FYB1: variants seen among roughly 807,000 people sequenced by gnomAD.
FYB1 encodes the protein FYN binding protein 1, also known as FYN-binding protein 1.
In FYB1, 41 loss-of-function variants were observed where a neutral mutation model predicts 94.1. The observed-to-expected ratio is 0.44, with a 90% CI of 0.34 to 0.57. The LOEUF (loss-of-function observed/expected upper bound fraction) is 0.57, where lower values mean the gene tolerates loss of function less well. Among genes scored for constraint, FYB1 ranks in the 20% least tolerant of loss-of-function variants. The probability of loss-of-function intolerance (pLI) is 0.02; values close to 1 mark genes in which losing one functional copy is unlikely to be tolerated. For synonymous variants in FYB1, 367 were observed against 353.2 expected (o/e 1.04, Z -0.44); for missense variants, 1,050 against 976.8 (o/e 1.07, Z -1.00).
At chr5:39,243,707 A>G (rs1387003521) in intron 1 of FYB1, among the ~76,000 whole-genome samples, 2 of 152,200 alleles carry the variant, frequency 1.3e-5, no homozygotes, top group Admixed American at 6.5e-5. Context: ...TGGGGATGGC[A>G]TTGAATCTCT....
rs1419149385 is a variant in FYB1 at position 39,247,088 on chromosome 5, ATAT to A, written c.-28+27312_-28+27314del. Among the ~76,000 whole-genome samples the A allele has an allele frequency of 1.4e-3, 198 of 137,374 alleles. 3 individuals carry two copies. The highest frequency in any genetic ancestry group is 2.0e-3 in the Non-Finnish European group (130 of 63,532). The allele number at this position is 137,374 out of a possible 152,430, so 90.1% of individuals were successfully genotyped here. A position where few individuals can be genotyped will look rare whatever the true frequency, so the allele number is the denominator to read the frequency against. ...TGCGTGTTCATATATATATATATATATATATATATATATATATATATATATATG... is the reference window on the plus strand; with the variant it reads ...TGCGTGTTCATATATATATATATATAATATATATATATATATATATATATG... On this transcript the variant is annotated intron_variant, in intron 1 of 1. Coordinates refer to the FYB1 transcript ENST00000510188.
intron 1 of FYB1, among the ~76,000 whole-genome samples, chr5:39,215,355 T>G (rs1300387423): frequency 2.2e-4 from 34 of 151,752 alleles, no homozygotes. Flanking sequence ...ACTGACTACT[T>G]TTTTTTTGAC....
intron 18 of FYB1, 76 bp from the exon 19 acceptor site, chr5:39,107,541 G>A (rs2150248346): frequency 1.0e-6 from 1 of 993,208 alleles, no homozygotes; most frequent in Non-Finnish European, 1.5e-6. Context: ...TGGAAATGTG[G>A]GTGATTCATA....
At position 39,208,464 on chromosome 5, in the gene FYB1, A is replaced by C. The variant is rs116291212; in HGVS notation, c.-27-5477T>G. Among the ~76,000 whole-genome samples the C allele has an allele frequency of 5.2e-3, 794 of 152,224 alleles. 7 individuals are homozygous for C. Among genetic ancestry groups the C allele is most frequent in the African/African-American group, 0.017 (707 of 41,544 alleles). ...TTTTTACCATACGTGGAGTTTCTTTATTGTTAGTTATGTTGAGATAAAGTC... is the reference window on the plus strand; with the variant it reads ...TTTTTACCATACGTGGAGTTTCTTTCTTGTTAGTTATGTTGAGATAAAGTC... On this transcript the variant is annotated intron_variant, in intron 1 of 18. Coordinates refer to ENST00000512982, the MANE Select transcript of FYB1 (RefSeq NM_001465.6).
chr5:39,143,439 G>A (rs1220721142), intron 3 of FYB1, among the ~76,000 whole-genome samples: 2 of 146,252 alleles, frequency 1.4e-5, no homozygotes, highest in African/African-American at 2.7e-5. Context: ...CACAAAAATA[G>A]GATTATATTA....
intron 1 of FYB1, among the ~76,000 whole-genome samples, chr5:39,240,490 C>T (rs1000281880): frequency 2.0e-5 from 3 of 151,800 alleles, no homozygotes; most frequent in Admixed American, 6.6e-5. Flanking sequence ...AAAATCAATG[C>T]CATTAAAAAG....
chr5:39,197,315 T>C (rs921729063), intron 2 of FYB1, among the ~76,000 whole-genome samples: 5 of 152,202 alleles, frequency 3.3e-5, no homozygotes, highest in Admixed American at 6.5e-5. Context: ...TCTTTCCCAT[T>C]TTATTACAAG....
At chr5:39,121,470 G>T (rs1271240532) in intron 14 of FYB1, among the ~76,000 whole-genome samples, 1 of 151,930 alleles carries the variant, frequency 6.6e-6, no homozygotes, top group Admixed American at 6.6e-5. Context: ...AATACTTAGC[G>T]TTTACTCATG....
At chr5:39,208,673 G>C (rs1461046359) in intron 1 of FYB1, among the ~76,000 whole-genome samples, 1 of 152,140 alleles carries the variant, frequency 6.6e-6, no homozygotes, top group East Asian at 1.9e-4. Context: ...GCCAGCCCTC[G>C]TCCTGCCTAA....
chr5:39,210,633 ATCCTACAAAATAGC>A (rs1237735761), intron 1 of FYB1, among the ~76,000 whole-genome samples: 1 of 152,204 alleles, frequency 6.6e-6, no homozygotes, highest in Non-Finnish European at 1.5e-5. Flanking sequence ...TTTCCTGGTT[ATCCTACAAAATAGC>A]TCCTGTACAA....
At position 39,201,902 on chromosome 5, in the gene FYB1, C is replaced by T. The variant is rs774237726; in HGVS notation, c.1059G>A (p.Leu353=). 6.2e-6 allele frequency: 10 copies of T among 1,613,934 alleles called. No individual in the cohort carries two copies. The highest frequency in any genetic ancestry group is 6.8e-6 in the Non-Finnish European group (8 of 1,179,854). ...KQKPLPPLFT[L]GPPPPKPNRP... is the part of the protein sequence containing the mutation. ...TGTTGGGTTTTGGTGGAGGTGGACC[C>T]AAGGTAAACAAGGGAGGCAATGGCT... Residue 353 remains leucine, a synonymous_variant, in exon 2 of 19, where the codon TTG becomes TTA. Coordinates refer to ENST00000512982, the MANE Select transcript of FYB1 (RefSeq NM_001465.6).
intron 2 of FYB1, among the ~76,000 whole-genome samples, chr5:39,193,951 T>G (rs1368145570): frequency 3.9e-5 from 6 of 152,224 alleles, no homozygotes; most frequent in Non-Finnish European, 8.8e-5. Flanking sequence ...AACTTGCAGA[T>G]GCACTTGTCA....
chr5:39,124,627 T>A (rs1740451763), intron 12 of FYB1, among the ~76,000 whole-genome samples: 1 of 152,148 alleles, frequency 6.6e-6, no homozygotes, highest in Admixed American at 6.6e-5. Flanking sequence ...GACTCAGTAT[T>A]TTGGAGGCAT....
intron 1 of FYB1, among the ~76,000 whole-genome samples, chr5:39,242,821 T>A (rs190407247): frequency 6.6e-6 from 1 of 152,338 alleles, no homozygotes; most frequent in Non-Finnish European, 1.5e-5. Flanking sequence ...GACTTTTTAA[T>A]GATCGCCATC....
intron 3 of FYB1, among the ~76,000 whole-genome samples, chr5:39,148,124 C>T (rs2150347899): frequency 7.5e-6 from 1 of 133,884 alleles, no homozygotes; most frequent in Non-Finnish European, 1.6e-5. Context: ...TTTCTCCACC[C>T]TTATCATTAT....
intron 2 of FYB1, among the ~76,000 whole-genome samples, chr5:39,178,368 G>A (rs1745919957): frequency 6.6e-6 from 1 of 152,216 alleles, no homozygotes; most frequent in South Asian, 2.1e-4. Context: ...TTTATTGAGT[G>A]TGTACTGTAT....
rs752057675 is a variant in FYB1 at position 39,201,974 on chromosome 5, A to G, written c.987T>C (p.Ser329=). ...TCTTGTCTCCCTTTTCCTTTTCCTG[A>G]CTTTGGCCCCATGGCCCCCCCACTG... ...KLTVGGPWGQ[S]QEKEKGDKNS... is the part of the protein sequence containing the mutation. The change falls in exon 2 of 19, where the codon AGT becomes AGC. Residue 329 remains serine, a synonymous_variant. Coordinates refer to ENST00000512982, the MANE Select transcript of FYB1 (RefSeq NM_001465.6). 1 of 1,613,976 alleles carries G rather than the reference A, an allele frequency of 6.2e-7. No homozygotes were observed. Among genetic ancestry groups the G allele is most frequent in the Non-Finnish European group, 8.5e-7 (1 of 1,179,900 alleles).
chr5:39,120,901 C>A (rs930202004), intron 14 of FYB1, among the ~76,000 whole-genome samples: 7 of 151,888 alleles, frequency 4.6e-5, no homozygotes, highest in Non-Finnish European at 7.4e-5. Flanking sequence ...AATTACTGCC[C>A]CAGATTAACT....
chr5:39,162,803 A>G (rs774475445), intron 2 of FYB1, among the ~76,000 whole-genome samples: 3 of 152,138 alleles, frequency 2.0e-5, no homozygotes, highest in Non-Finnish European at 2.9e-5. Flanking sequence ...TTTGGTCTTA[A>G]TAATCCTGAT....
Sources: allele counts gnomAD v4.1 joint callset (sites outside exome capture counted in the v4.1 genomes callset), GRCh38; gene constraint gnomAD v4.1.1; transcripts MANE v1.5; gene names NCBI Gene and HGNC (gene_info 2026-07-23, HGNC 2026-07-21).